Variants in OSTN observed in about 807,000 individuals in gnomAD.
The protein encoded by OSTN is osteocrin.
Under a neutral mutation model 12.0 loss-of-function variants are expected in OSTN, and 9 were observed. That is an observed-to-expected ratio of 0.75 (90% CI 0.45 to 1.30). OSTN has a LOEUF of 1.30. Ranked by LOEUF, OSTN falls within the 50% of genes most tolerant of loss-of-function variation. The pLI, the probability that OSTN is intolerant of heterozygous loss-of-function variation, is 0.00. For synonymous variants in OSTN, 59 were observed against 56.9 expected (o/e 1.04, Z -0.16); for missense variants, 148 against 152.3 (o/e 0.97, Z 0.15).
chr3:191,256,890 C>T (rs921705586), intron 4 of OSTN, among the ~76,000 whole-genome samples: 1 of 151,922 alleles, frequency 6.6e-6, no homozygotes, highest in Non-Finnish European at 1.5e-5. Flanking sequence ...TTCACTTTAA[C>T]AAAAACCAAG....
intron 3 of OSTN, among the ~76,000 whole-genome samples, chr3:191,235,446 A>C (rs1715164747): frequency 6.6e-6 from 1 of 152,170 alleles, no homozygotes; most frequent in East Asian, 1.9e-4. Context: ...CTGGGGATGG[A>C]GATGCATGCA....
chr3:191,261,998 C>T (rs919307157), intron 4 of OSTN, among the ~76,000 whole-genome samples: 8 of 152,280 alleles, frequency 5.3e-5, no homozygotes, highest in Admixed American at 3.3e-4. Context: ...GGGTGGATCA[C>T]CTGAGGTCAG....
At chr3:191,212,278 T>A (rs1343798669) in intron 1 of OSTN, among the ~76,000 whole-genome samples, 1 of 152,194 alleles carries the variant, frequency 6.6e-6, no homozygotes, top group Admixed American at 6.5e-5. Flanking sequence ...GTGGGTCAGT[T>A]TGAATTAAAT....
chr3:191,230,671 G>A (rs1025584967), intron 3 of OSTN, among the ~76,000 whole-genome samples: 1 of 152,006 alleles, frequency 6.6e-6, no homozygotes, highest in Non-Finnish European at 1.5e-5. Flanking sequence ...ATGAAATTGG[G>A]AAGGAGAGTT....
intron 4 of OSTN, among the ~76,000 whole-genome samples, chr3:191,259,200 G>GATTT (rs141028882): frequency 6.8e-6 from 1 of 147,280 alleles, no homozygotes; most frequent in Non-Finnish European, 1.5e-5. Context: ...AAAACAATCT[G>GATTT]TTTTTTTTTT....
chr3:191,251,639 A>T (rs1715563019), intron 4 of OSTN, among the ~76,000 whole-genome samples: 2 of 152,332 alleles, frequency 1.3e-5, no homozygotes, highest in South Asian at 4.1e-4. Flanking sequence ...AATAAATTTC[A>T]TTATCATGGA....
intron 4 of OSTN, among the ~76,000 whole-genome samples, chr3:191,253,988 A>T (rs985428123): frequency 6.6e-6 from 1 of 152,272 alleles, no homozygotes; most frequent in Non-Finnish European, 1.5e-5. Context: ...AGATAGAAAT[A>T]GACAAAAGAT....
Position 191,263,064 on chromosome 3 carries a change from A to G in OSTN, c.*211A>G. On this transcript the variant is annotated 3_prime_UTR_variant, in exon 5 of 5. Coordinates refer to ENST00000682035, the MANE Select transcript of OSTN (RefSeq NM_198184.2). Reference sequence around the variant, plus strand: ...AATCATTTTGATGCACGTACATTTTAAAATTATATATTTTAATTATTCAAG... The same window carrying G: ...AATCATTTTGATGCACGTACATTTTGAAATTATATATTTTAATTATTCAAG... 1 of 501,846 alleles carries G rather than the reference A, an allele frequency of 2.0e-6. No homozygotes were observed. Among genetic ancestry groups the G allele is most frequent in the Non-Finnish European group, 3.5e-6 (1 of 283,084 alleles). The allele number at this position is 501,846 out of a possible 1,614,324, so 31.1% of individuals were successfully genotyped here.
intron 2 of OSTN, among the ~76,000 whole-genome samples, chr3:191,214,040 A>G (rs1714535665): frequency 6.6e-6 from 1 of 152,198 alleles, no homozygotes; most frequent in African/African-American, 2.4e-5. Flanking sequence ...TAAGTAATAA[A>G]GAACTGTGAA....
intron 1 of OSTN, among the ~76,000 whole-genome samples, chr3:191,210,935 A>G (rs1291384449): frequency 1.3e-5 from 2 of 152,370 alleles, no homozygotes; most frequent in East Asian, 3.9e-4. Context: ...AGCCTGATGT[A>G]GGCCATAGAT....
rs73888520 is a variant in OSTN at position 191,263,838 on chromosome 3, T to A, written c.*985T>A. The A allele has an allele frequency of 6.6e-6, 1 of 152,182 alleles. No individual in the cohort carries two copies. Among genetic ancestry groups the A allele is most frequent in the Admixed American group, 6.5e-5 (1 of 15,284 alleles). The allele number at this position is 152,182 out of a possible 1,614,324, so 9.4% of individuals were successfully genotyped here. ...ATTCAGATTATTTTTGAATGACTTA[T>A]TAAAACATAAGTTTTCGTATTGTAG... On this transcript the variant is annotated 3_prime_UTR_variant, in exon 5 of 5. Transcript: ENST00000682035.
chr3:191,213,911 C>A (rs765734192), intron 2 of OSTN, among the ~76,000 whole-genome samples: 1 of 151,956 alleles, frequency 6.6e-6, no homozygotes, highest in Non-Finnish European at 1.5e-5. Flanking sequence ...TGTAGGGTTT[C>A]TTTCTGGTCA....
At chr3:191,222,048 A>G (rs1448233128) in intron 3 of OSTN, among the ~76,000 whole-genome samples, 2 of 152,200 alleles carry the variant, frequency 1.3e-5, no homozygotes, top group Non-Finnish European at 2.9e-5. Context: ...CTATGGGTGC[A>G]CAGAAGGCAA....
chr3:191,259,211 T>C (rs966494993), intron 4 of OSTN, among the ~76,000 whole-genome samples: 1 of 151,824 alleles, frequency 6.6e-6, no homozygotes, highest in Non-Finnish European at 1.5e-5. Context: ...TTTTTTTTTT[T>C]TGAGACAGAC....
chr3:191,231,198 T>C (rs924029014), intron 3 of OSTN, among the ~76,000 whole-genome samples: 5 of 152,154 alleles, frequency 3.3e-5, no homozygotes, highest in Admixed American at 3.3e-4. Flanking sequence ...AGACAAATAA[T>C]AGTTATTGCA....
intron 1 of OSTN, among the ~76,000 whole-genome samples, chr3:191,206,902 T>C (rs1243397129): frequency 6.6e-6 from 1 of 152,196 alleles, no homozygotes; most frequent in Non-Finnish European, 1.5e-5. Flanking sequence ...GGGTAAAGGG[T>C]AACCTGAAGA....
Position 191,264,928 on chromosome 3 carries a change from T to C in OSTN, c.*2075T>C, listed in dbSNP as rs184139021. On this transcript the variant is annotated 3_prime_UTR_variant, in exon 5 of 5. Transcript: ENST00000682035. ...TTAATTAAAATAAGAAGTCACAATA[T>C]AGTGATTTATGCTATAGTTTCATGT... 1 of 151,910 alleles carries C rather than the reference T, an allele frequency of 6.6e-6. No individual in the cohort carries two copies. Among genetic ancestry groups the C allele is most frequent in the East Asian group, 1.9e-4 (1 of 5,194 alleles). 9.4% of individuals were successfully genotyped at this position (151,910 alleles called of 1,614,324 possible). A position where few individuals can be genotyped will look rare whatever the true frequency, so the allele number is the denominator to read the frequency against.
At chr3:191,212,755 ATT>A (rs1714493173) in intron 2 of OSTN, 121 bp downstream of exon 2, 1 of 180,594 alleles carries the variant, frequency 5.5e-6, no homozygotes, top group Non-Finnish European at 1.0e-5. Flanking sequence ...TAATTTATAT[ATT>A]TATATATCAT....
At chr3:191,217,216 C>G (rs927182140) in intron 2 of OSTN, 3 of 152,224 alleles carry the variant, frequency 2.0e-5, no homozygotes, top group African/African-American at 7.2e-5. Context: ...CTCATGAGAA[C>G]TCACTCACTA....
Sources: allele counts gnomAD v4.1 joint callset (sites outside exome capture counted in the v4.1 genomes callset), GRCh38; gene constraint gnomAD v4.1.1; transcripts MANE v1.5; gene names NCBI Gene and HGNC (gene_info 2026-07-23, HGNC 2026-07-21).